AWAT2: variants seen among roughly 807,000 people sequenced by gnomAD.
The protein encoded by AWAT2 is 11-cis-RE-synthase.
Under a neutral mutation model 22.3 loss-of-function variants are expected in AWAT2, and 9 were observed. The ratio of observed to expected loss-of-function variants is 0.40; its 90% CI spans 0.24 to 0.70. AWAT2 has a LOEUF of 0.70. Ranked by LOEUF, AWAT2 falls within the 30% of genes least tolerant of loss-of-function variation. AWAT2 has a pLI of 0.36. For missense variants in AWAT2, 217 were observed against 265.9 expected, an observed-to-expected ratio of 0.82 and a Z score of 1.28; for synonymous variants, 100 against 93.4, an observed-to-expected ratio of 1.07 and a Z score of -0.40.
intron 5 of AWAT2, 193 bp downstream of exon 5, chrX:70,042,876 C>CTTT (rs750632311): frequency 4.0e-3 from 1,457 of 359,915 alleles, no homozygotes; most frequent in East Asian, 9.3e-3. Context: ...CCTCCTCCCT[C>CTTT]TTTTTTTTTT....
chrX:70,048,602 G>A (rs780430390), intron 1 of AWAT2, among the ~76,000 whole-genome samples: 1 of 112,061 alleles, frequency 8.9e-6, no homozygotes, highest in South Asian at 3.7e-4. Flanking sequence ...TCATAAATGG[G>A]CAGTTAACAG....
At chrX:70,045,150 A>C (rs901962636) in intron 1 of AWAT2, among the ~76,000 whole-genome samples, 14 of 112,393 alleles carry the variant, frequency 1.2e-4, no homozygotes, top group African/African-American at 4.5e-4. Context: ...AGGTTAGAAA[A>C]GACAGAGAAC....
chrX:70,047,305 A>G (rs1287588851), intron 1 of AWAT2, among the ~76,000 whole-genome samples: 1 of 112,708 alleles, frequency 8.9e-6, no homozygotes, highest in Non-Finnish European at 1.9e-5. Flanking sequence ...GAAAGAACCA[A>G]CAAAGTTGAA....
chrX:70,049,477 G>C (rs2020384077), intron 1 of AWAT2, among the ~76,000 whole-genome samples: 3 of 111,619 alleles, frequency 2.7e-5, no homozygotes, highest in Non-Finnish European at 5.6e-5. Context: ...GAGTCCCTGT[G>C]ATTGCAGCCA....
intron 6 of AWAT2, 42 bp downstream of exon 6, chrX:70,042,145 C>G: frequency 1.7e-6 from 2 of 1,157,109 alleles, no homozygotes; most frequent in Non-Finnish European, 2.3e-6. Flanking sequence ...GAGCTAGATC[C>G]TGTGTCCTAG....
Position 70,043,853 on chromosome X carries a change from C to T in AWAT2, c.267+73G>A, listed in dbSNP as rs752167113. The stretch of plus-strand genomic sequence containing the variant: ...TCAATGTGGATGGCGCCCTCCACCC[C>T]TAGCCTGACCCAACTGCTAGCACTG... On this transcript the variant is annotated intron_variant, in intron 3 of 7. Transcript: ENST00000276101. The T allele has an allele frequency of 3.5e-5, 39 of 1,104,337 alleles. No homozygotes were observed. In the African/African-American group the frequency reaches 6.0e-4, roughly 17 times the overall value. 91.0% of individuals were successfully genotyped at this position (1,104,337 alleles called of 1,213,427 possible).
At chrX:70,043,036 C>A in intron 5 of AWAT2, 33 bp downstream of exon 5, 3 of 1,142,806 alleles carry the variant, frequency 2.6e-6, no homozygotes, top group Non-Finnish European at 3.5e-6. Context: ...CTTTTGGATC[C>A]CTTCCGCCAG....
intron 1 of AWAT2, 133 bp downstream of exon 1, chrX:70,049,715 G>A: frequency 1.3e-6 from 1 of 754,131 alleles, no homozygotes; most frequent in Non-Finnish European, 2.0e-6. Flanking sequence ...CAGGCCAGAG[G>A]CTGGTGTTAC....
chrX:70,043,963 C>T lies in AWAT2; in HGVS notation c.230G>A (p.Arg77His), dbSNP rs180949354. 9.2e-6 allele frequency: 11 copies of T among 1,199,610 alleles called. No homozygotes were observed. Among genetic ancestry groups the T allele is most frequent in the East Asian group, 6.1e-5 (2 of 33,004 alleles). Reference protein sequence around the residue: ...GRRFTCVRHWRLWKHYSDYFP... With the variant: ...GRRFTCVRHWHLWKHYSDYFP... The stretch of plus-strand genomic sequence containing the variant: ...ATAATCGCTGTAGTGTTTCCACAGG[C>T]GCCAGTGCCTCACACAGGTAAACCG... Residue 77 changes from arginine (R) to histidine (H), a missense_variant, in exon 3 of 8, where the codon CGC (arginine) becomes CAC (histidine). By Grantham distance (29) the Arg-to-His change is conservative. Transcript: ENST00000276101.
At position 70,043,117 on chromosome X, in the gene AWAT2, AG is replaced by A; in HGVS notation, c.598del (p.Leu200TrpfsTer3). 1 of 1,198,534 alleles carries A rather than the reference AG, an allele frequency of 8.3e-7. No homozygotes were observed. The highest frequency in any genetic ancestry group is 1.1e-6 in the Non-Finnish European group (1 of 888,663). ...CRYSLPGSSTLVLKNRSGFVR... is the reference protein window; with the variant it reads ...CRYSLPGSSTXVLKNRSGFVR... Reference sequence around the variant, plus strand: ...AAAGCCAGACCGGTTCTTCAACACCAGGGTAGAAGAACCTGGCAGGCTGTAT... The same window carrying A: ...AAAGCCAGACCGGTTCTTCAACACCAGGTAGAAGAACCTGGCAGGCTGTAT... On this transcript the variant is annotated frameshift_variant, in exon 5 of 8. Transcript: ENST00000276101. LOFTEE classifies it high-confidence loss of function.
intron 1 of AWAT2, among the ~76,000 whole-genome samples, chrX:70,044,905 G>C (rs989808419): frequency 3.6e-5 from 4 of 112,585 alleles, no homozygotes; most frequent in Non-Finnish European, 7.5e-5. Context: ...GGAAAGCAAA[G>C]ACCCATCTTC....
In AWAT2 at chrX:70,049,807, G is replaced by A. The variant is rs191921246; in HGVS notation, c.85+41C>T. ...CCTAAAATCCTTCAGTCTCAGGCAA[G>A]CCAGGATGGTTGGTCACCCTACCAA... On this transcript the variant is annotated intron_variant, in intron 1 of 7. Transcript: ENST00000276101. 1.3e-4 allele frequency: 151 copies of A among 1,199,168 alleles called. No homozygotes were observed. In the African/African-American group the frequency reaches 2.0e-3, roughly 16 times the overall value.
chrX:70,048,444 C>A (rs960147370), intron 1 of AWAT2, among the ~76,000 whole-genome samples: 2 of 111,584 alleles, frequency 1.8e-5, no homozygotes, highest in African/African-American at 6.5e-5. Context: ...TAACCACTGG[C>A]AGCTCCTTGA....
chrX:70,044,539 C>T, intron 1 of AWAT2, 77 bp from the exon 2 acceptor site: 1 of 1,151,158 alleles, frequency 8.7e-7, no homozygotes, highest in Non-Finnish European at 1.2e-6. Flanking sequence ...GTTCTGTCCA[C>T]CCCAAGGTCA....
chrX:70,042,876 C>CT (rs750632311), intron 5 of AWAT2, 193 bp downstream of exon 5: 15,297 of 332,383 alleles, frequency 0.046, 4 homozygotes, highest in East Asian at 0.093. Context: ...CCTCCTCCCT[C>CT]TTTTTTTTTT....
rs1474919932 is a variant in AWAT2, at chrX:70,044,447, G to A, written c.101C>T (p.Ala34Val). 8.3e-7 allele frequency: 1 copy of A among 1,211,336 alleles called. No individual in the cohort carries two copies. ...SALLITTTVI[A>V]VNLYLVVFTP... Reference sequence around the variant, plus strand: ...GAACACCACCAGGTAGAGGTTGACAGCAATCACAGTGGTTGCTGCAGGAAG... The same window carrying A: ...GAACACCACCAGGTAGAGGTTGACAACAATCACAGTGGTTGCTGCAGGAAG... The change falls in exon 2 of 8, where the codon GCT (alanine) becomes GTT (valine). Residue 34 changes from alanine to valine, a missense_variant. Transcript: ENST00000276101.
intron 1 of AWAT2, among the ~76,000 whole-genome samples, chrX:70,047,719 T>G (rs752610841): frequency 3.6e-5 from 4 of 112,217 alleles, no homozygotes; most frequent in South Asian, 3.8e-4. Context: ...AGTGAAGAGC[T>G]GAGAGGCCTC....
At chrX:70,045,847 C>T (rs2020358208) in intron 1 of AWAT2, among the ~76,000 whole-genome samples, 1 of 110,960 alleles carries the variant, frequency 9.0e-6, no homozygotes, top group Admixed American at 9.6e-5. Flanking sequence ...AAGGACCCAA[C>T]AAAGGAGGGC....
intron 1 of AWAT2, 70 bp downstream of exon 1, chrX:70,049,778 C>A: frequency 8.7e-7 from 1 of 1,153,619 alleles, no homozygotes; most frequent in Non-Finnish European, 1.2e-6. Context: ...GAACATCCTG[C>A]AACCCTAAAA....
Sources: allele counts gnomAD v4.1 joint callset (sites outside exome capture counted in the v4.1 genomes callset), GRCh38; gene constraint gnomAD v4.1.1; transcripts MANE v1.5; gene names NCBI Gene and HGNC (gene_info 2026-07-23, HGNC 2026-07-21).